The following TACC2 variants were observed in gnomAD, a reference collection of about 807,000 sequenced individuals.
The protein encoded by TACC2 is transforming acidic coiled-coil-containing protein 2.
TACC2 carries 137 observed loss-of-function variants against 227.3 expected under a neutral mutation model. That is an observed-to-expected ratio of 0.60 (90% CI 0.52 to 0.69). The LOEUF is 0.69. TACC2 is among the 30% of genes least tolerant of loss of function. The pLI, the probability that TACC2 is intolerant of heterozygous loss-of-function variation, is 0.00. For missense variants in TACC2, 3,470 were observed against 3,694.4 expected, an observed-to-expected ratio of 0.94 and a Z score of 1.57; for synonymous variants, 1,523 against 1,487.5, an observed-to-expected ratio of 1.02 and a Z score of -0.55.
chr10:122,093,895 A>G (rs1462670831), intron 5 of TACC2, among the ~76,000 whole-genome samples: 3 of 152,210 alleles, frequency 2.0e-5, no homozygotes, highest in Non-Finnish European at 2.9e-5. Flanking sequence ...GGCAATGCCC[A>G]AGATCTCCAA....
chr10:122,030,921 CCT>C (rs765026234), intron 2 of TACC2, among the ~76,000 whole-genome samples: 42 of 152,178 alleles, frequency 2.8e-4, no homozygotes, highest in Non-Finnish European at 5.4e-4. Flanking sequence ...TCAGCTTCTG[CCT>C]CCATAATGCT....
intron 2 of TACC2, among the ~76,000 whole-genome samples, chr10:122,038,742 G>T (rs1379039839): frequency 6.6e-6 from 1 of 152,084 alleles, no homozygotes; most frequent in Non-Finnish European, 1.5e-5. Context: ...AAGGTTATAA[G>T]GTTATAATTG....
chr10:122,060,826 G>A (rs1385498802), intron 3 of TACC2, among the ~76,000 whole-genome samples: 2 of 151,952 alleles, frequency 1.3e-5, no homozygotes, highest in African/African-American at 2.4e-5. Context: ...CCAACATGGC[G>A]AAACTCTGTC....
intron 16 of TACC2, among the ~76,000 whole-genome samples, chr10:122,234,114 T>C (rs1302754492): frequency 6.6e-6 from 1 of 152,140 alleles, no homozygotes; most frequent in Admixed American, 6.5e-5. Flanking sequence ...GGATGGCAGG[T>C]GCTCTCCCCA....
chr10:122,247,338 C>A (rs2096147263), intron 19 of TACC2: 1 of 152,142 alleles, frequency 6.6e-6, no homozygotes, highest in Non-Finnish European at 1.5e-5. Flanking sequence ...GCAGGCAGCC[C>A]CCTCCCCAGT....
At chr10:122,032,823 G>C (rs909948755) in intron 2 of TACC2, among the ~76,000 whole-genome samples, 6 of 152,152 alleles carry the variant, frequency 3.9e-5, no homozygotes, top group African/African-American at 1.4e-4. Flanking sequence ...GCCGGGCGTG[G>C]TGGCATGCAC....
intron 8 of TACC2, among the ~76,000 whole-genome samples, chr10:122,199,844 C>T (rs1355634017): frequency 6.6e-6 from 1 of 152,174 alleles, no homozygotes; most frequent in East Asian, 1.9e-4. Flanking sequence ...TCATAGACAG[C>T]ACCTCCTCCC....
chr10:122,125,004 G>T (rs2086565739), intron 5 of TACC2, among the ~76,000 whole-genome samples: 1 of 140,590 alleles, frequency 7.1e-6, no homozygotes, highest in African/African-American at 2.7e-5. Flanking sequence ...ACACTCTCCA[G>T]CACGAAGCCA....
At chr10:122,144,210 G>T (rs2091073395) in intron 7 of TACC2, among the ~76,000 whole-genome samples, 1 of 152,110 alleles carries the variant, frequency 6.6e-6, no homozygotes, top group Non-Finnish European at 1.5e-5. Flanking sequence ...CAACTGATGG[G>T]ATGAGGTCCA....
chr10:122,003,510 T>C (rs1232690335), intron 1 of TACC2, among the ~76,000 whole-genome samples: 1 of 152,198 alleles, frequency 6.6e-6, no homozygotes, highest in Non-Finnish European at 1.5e-5. Context: ...TTGAAAAGGT[T>C]GTAACACTGA....
At chr10:122,042,910 A>C (rs2074480503) in intron 2 of TACC2, among the ~76,000 whole-genome samples, 1 of 152,228 alleles carries the variant, frequency 6.6e-6, no homozygotes, top group African/African-American at 2.4e-5. Context: ...CTGCACTTTA[A>C]GTATAATCAA....
intron 5 of TACC2, among the ~76,000 whole-genome samples, chr10:122,108,442 C>CTTTT (rs34097153): frequency 9.1e-4 from 82 of 90,052 alleles, no homozygotes; most frequent in Non-Finnish European, 1.1e-3. Flanking sequence ...GTCATATTTT[C>CTTTT]TTTTTTTTTT....
chr10:122,134,693 G>A (rs1394990164), intron 6 of TACC2, among the ~76,000 whole-genome samples: 1 of 152,182 alleles, frequency 6.6e-6, no homozygotes, highest in Non-Finnish European at 1.5e-5. Flanking sequence ...TCTGGCTGTA[G>A]CCAATGGGGC....
intron 5 of TACC2, among the ~76,000 whole-genome samples, chr10:122,091,695 G>A (rs2080839989): frequency 1.3e-5 from 2 of 152,150 alleles, no homozygotes; most frequent in South Asian, 2.1e-4. Flanking sequence ...TGAGGAAGCC[G>A]TGCACGTGGA....
intron 3 of TACC2, among the ~76,000 whole-genome samples, chr10:122,052,861 CTGA>C (rs1245041705): frequency 1.3e-5 from 2 of 152,204 alleles, no homozygotes; most frequent in African/African-American, 4.8e-5. Context: ...TCTGCAAGGG[CTGA>C]CAGTGAGTCC....
intron 22 of TACC2, among the ~76,000 whole-genome samples, 168 bp downstream of exon 22, chr10:122,249,832 C>T (rs1229645413): frequency 6.6e-6 from 1 of 152,248 alleles, no homozygotes; most frequent in African/African-American, 2.4e-5. Flanking sequence ...AATTTCATGC[C>T]AGCCCTAAGA....
chr10:122,086,184 A>C lies in TACC2; in HGVS notation c.3684A>C (p.Pro1228=). The change falls in exon 4 of 23, where the codon CCA becomes CCC. Residue 1228 remains proline, a synonymous_variant. Transcript: ENST00000369005. The part of the protein sequence containing the change: ...DPKELLLSGP[P]EVAAPDTPYL... ...AGGAGCTCCTGCTGTCTGGGCCACC[A>C]GAAGTGGCTGCTCCTGACACCCCTT... The C allele has an allele frequency of 1.2e-6, 2 of 1,613,828 alleles. No homozygotes were observed. Among genetic ancestry groups the C allele is most frequent in the Non-Finnish European group, 1.7e-6 (2 of 1,180,022 alleles).
At chr10:122,054,847 CT>C (rs1440765056) in intron 3 of TACC2, among the ~76,000 whole-genome samples, 1 of 152,152 alleles carries the variant, frequency 6.6e-6, no homozygotes, top group East Asian at 1.9e-4. Context: ...TTGTGAGGGG[CT>C]TATGTTTGAA....
rs764692213 is a variant in TACC2, at chr10:122,230,421, G to A, written c.8108G>A (p.Arg2703His). 9 of 1,614,004 alleles carry A rather than the reference G, an allele frequency of 5.6e-6. No homozygotes were observed. Among genetic ancestry groups the A allele is most frequent in the East Asian group, 4.5e-5 (2 of 44,888 alleles). Residue 2703 changes from arginine (R) to histidine (H), a missense_variant, in exon 16 of 23, where the codon CGC (arginine) becomes CAC (histidine). Arg to His is a conservative substitution (Grantham distance 29). This residue lies in a region of TACC2 where 345 missense variants were observed against 354.4 expected (regional missense o/e 0.97). Coordinates refer to ENST00000369005, the MANE Select transcript of TACC2 (RefSeq NM_206862.4). ...KLARQIALAS[R>H]SHQDAKREAA... Reference sequence around the variant, plus strand: ...GCCAGGCAGATTGCTTTGGCTTCCCGCAGCCACCAGGATGCCAAGGTACCG... The same window carrying A: ...GCCAGGCAGATTGCTTTGGCTTCCCACAGCCACCAGGATGCCAAGGTACCG...
Sources: gnomAD v4.1 joint callset for allele counts (sites outside exome capture counted in the v4.1 genomes callset) on GRCh38, gnomAD v4.1.1 for gene constraint, gnomAD v4.1.1 regional missense constraint, MANE v1.5 for transcripts, NCBI Gene and HGNC (gene_info 2026-07-23, HGNC 2026-07-21) for gene names.